Variants in MICU3 observed in about 807,000 individuals in gnomAD.
The protein encoded by MICU3 is calcium uptake protein 3, mitochondrial.
In MICU3, 62 loss-of-function variants were observed where a neutral mutation model predicts 66.5. The observed-to-expected ratio is 0.93, with a 90% CI of 0.76 to 1.15. MICU3 has a LOEUF of 1.15. Ranked by LOEUF, MICU3 falls within the 50% of genes most tolerant of loss-of-function variation. MICU3 has a pLI of 0.00. For missense variants in MICU3, 779 were observed against 664.4 expected (o/e 1.17, Z -1.90); for synonymous variants, 308 against 240.7 (o/e 1.28, Z -2.59).
At chr8:17,050,543 A>G (rs539849289) in intron 1 of MICU3, among the ~76,000 whole-genome samples, 52 of 152,204 alleles carry the variant, frequency 3.4e-4, no homozygotes, top group African/African-American at 1.2e-3. Context: ...TGTTACTCAG[A>G]TCCTTTTTCT....
At chr8:17,036,008 T>C (rs1812912060) in intron 1 of MICU3, among the ~76,000 whole-genome samples, 1 of 152,156 alleles carries the variant, frequency 6.6e-6, no homozygotes, top group Non-Finnish European at 1.5e-5. Flanking sequence ...CCGGAATTGA[T>C]GGGTTCTTGG....
intron 14 of MICU3, among the ~76,000 whole-genome samples, chr8:17,119,429 T>C (rs1208541787): frequency 6.6e-6 from 1 of 152,086 alleles, no homozygotes; most frequent in Non-Finnish European, 1.5e-5. Flanking sequence ...AGTTGTGGGT[T>C]TTTATTAGTT....
intron 1 of MICU3, among the ~76,000 whole-genome samples, chr8:17,028,590 A>T (rs1811451073): frequency 6.6e-6 from 1 of 152,218 alleles, no homozygotes. Context: ...TTTCTAATGC[A>T]ATTTTTATAG....
chr8:17,055,152 A>T (rs1321104199), intron 1 of MICU3, among the ~76,000 whole-genome samples: 1 of 152,216 alleles, frequency 6.6e-6, no homozygotes, highest in Non-Finnish European at 1.5e-5. Context: ...AACACTAAAT[A>T]TCAAGCCCAT....
intron 3 of MICU3, 34 bp from the exon 4 acceptor site, chr8:17,077,749 T>C: frequency 6.9e-7 from 1 of 1,443,380 alleles, no homozygotes; most frequent in South Asian, 1.2e-5. Context: ...GTAAGTTGTT[T>C]ACCAATTCAT....
chr8:17,039,600 T>A (rs1478357022), intron 1 of MICU3, among the ~76,000 whole-genome samples: 1 of 152,174 alleles, frequency 6.6e-6, no homozygotes, highest in Non-Finnish European at 1.5e-5. Context: ...TTCTCACATA[T>A]AATGCTATAT....
At chr8:17,117,320 TTGA>T (rs1802775388) in intron 13 of MICU3, among the ~76,000 whole-genome samples, 1 of 152,164 alleles carries the variant, frequency 6.6e-6, no homozygotes, top group South Asian at 2.1e-4. Context: ...TCTAGGTAAC[TTGA>T]TGCTCTTATG....
downstream of MICU3, among the ~76,000 whole-genome samples, chr8:17,125,632 G>T (rs955216131): frequency 6.6e-6 from 1 of 152,118 alleles, no homozygotes; most frequent in African/African-American, 2.4e-5. Context: ...CAGTTTAAAG[G>T]TTGGCTGCTA....
intron 14 of MICU3, among the ~76,000 whole-genome samples, chr8:17,119,532 C>CATAGATAG (rs10524011): frequency 0.015 from 1,850 of 124,128 alleles, 19 homozygotes; most frequent in Admixed American, 0.018. Context: ...AAGCTTGAAG[C>CATAGATAG]ATAGATAGAT....
At chr8:17,069,596 G>T in intron 2 of MICU3, 92 bp from the exon 3 acceptor site, 2 of 736,462 alleles carry the variant, frequency 2.7e-6, no homozygotes, top group Non-Finnish European at 4.2e-6. Context: ...TAAAAGTTTG[G>T]TTATGAGTTA....
chr8:17,130,360 CA>C, the MICU3 span, among the ~76,000 whole-genome samples: 2 of 151,676 alleles, frequency 1.3e-5, no homozygotes, highest in Admixed American at 6.6e-5. Context: ...CCCATCTCTA[CA>C]AAAATACAAA....
chr8:17,069,902 G>A lies in MICU3; in HGVS notation c.567+183G>A, dbSNP rs149157307. Among the ~76,000 whole-genome samples the A allele has an allele frequency of 9.3e-4, 142 of 151,942 alleles. 1 individual carries two copies. The highest frequency in any genetic ancestry group is 3.3e-3 in the African/African-American group (137 of 41,482). On this transcript the variant is annotated intron_variant, in intron 3 of 14. Coordinates refer to ENST00000318063, the MANE Select transcript of MICU3 (RefSeq NM_181723.3). ...CCAGATTGTCAGAAAATAAAAAGGT[G>A]GACGTTTCTAAGGGCTGGTGAAAAT...
At chr8:17,063,047 A>G (rs191619892) in intron 1 of MICU3, among the ~76,000 whole-genome samples, 32 of 152,320 alleles carry the variant, frequency 2.1e-4, no homozygotes, top group African/African-American at 7.5e-4. Flanking sequence ...GGAATATTAT[A>G]CAGTTAACAA....
intron 1 of MICU3, among the ~76,000 whole-genome samples, chr8:17,031,964 G>C (rs1368092203): frequency 6.6e-6 from 1 of 152,158 alleles, no homozygotes; most frequent in Non-Finnish European, 1.5e-5. Context: ...GCCCCTTAAG[G>C]AGAGGCACTG....
intron 1 of MICU3, among the ~76,000 whole-genome samples, chr8:17,040,031 C>T (rs1206806800): frequency 6.7e-6 from 1 of 150,272 alleles, no homozygotes; most frequent in Admixed American, 6.7e-5. Context: ...CCTTAGCCTC[C>T]TGAGTAGCTG....
chr8:17,132,280 T>A, the MICU3 span: 1 of 152,230 alleles, frequency 6.6e-6, no homozygotes, highest in Non-Finnish European at 1.5e-5. Flanking sequence ...AGCCCTTTTT[T>A]CTGCAGTTGG....
intron 1 of MICU3, among the ~76,000 whole-genome samples, chr8:17,051,120 A>T (rs1010789459): frequency 6.6e-6 from 1 of 152,200 alleles, no homozygotes; most frequent in Non-Finnish European, 1.5e-5. Flanking sequence ...ATTCCAAAAA[A>T]GTTCATTGAA....
chr8:17,033,190 G>A (rs1295838040), intron 1 of MICU3, among the ~76,000 whole-genome samples: 2 of 152,200 alleles, frequency 1.3e-5, no homozygotes, highest in African/African-American at 2.4e-5. Context: ...TAAGCTTAAT[G>A]AGGAAGGCAT....
intron 1 of MICU3, among the ~76,000 whole-genome samples, chr8:17,037,149 AGCTGGCCCACAAGCGCCACAC>A (rs1563271215): frequency 1.3e-5 from 2 of 152,182 alleles, no homozygotes; most frequent in Admixed American, 1.3e-4. Flanking sequence ...CTGGAACTCC[AGCTGGCCCACAAGCGCCACAC>A]GCAGCCCCAG....
Sources: allele counts gnomAD v4.1 joint callset (sites outside exome capture counted in the v4.1 genomes callset), GRCh38; gene constraint gnomAD v4.1.1; transcripts MANE v1.5; gene names NCBI Gene and HGNC (gene_info 2026-07-23, HGNC 2026-07-21).